ASXL2: variants seen among roughly 807,000 people sequenced by gnomAD.
ASXL2 encodes putative Polycomb group protein ASXL2.
Under a neutral mutation model 122.0 loss-of-function variants are expected in ASXL2, and 23 were observed. The observed-to-expected ratio is 0.19, with a 90% CI of 0.14 to 0.27. The LOEUF is 0.27. ASXL2 is among the 10% of genes least tolerant of loss of function. The pLI is 1.00. For synonymous variants in ASXL2, 650 were observed against 637.0 expected, an observed-to-expected ratio of 1.02 and a Z score of -0.31; for missense variants, 1,518 against 1,713.8, an observed-to-expected ratio of 0.89 and a Z score of 2.02.
At position 25,810,385 on chromosome 2, in the gene ASXL2, A is replaced by G. The variant is rs369382116; in HGVS notation, c.144-4048T>C. On this transcript the variant is annotated intron_variant, in intron 3 of 12. Transcript: ENST00000435504. The stretch of plus-strand genomic sequence containing the variant: ...TAAGGTCCAGTTTTTAACAACCTTC[A>G]TATCTCTCTCACTCTGATCAGTAGC... 1.9e-5 allele frequency: 13 copies of G among 667,222 alleles called. No homozygotes were observed. In the African/African-American group the frequency reaches 2.0e-4, roughly 10 times the overall value. 41.3% of individuals were successfully genotyped at this position (667,222 alleles called of 1,614,324 possible).
In ASXL2 at chr2:25,756,200, G is replaced by C. The variant is rs553874046; in HGVS notation, c.940-86C>G. 1.9e-4 allele frequency: 125 copies of C among 646,148 alleles called. No homozygotes were observed. In the African/African-American group the frequency reaches 2.1e-3, roughly 11 times the overall value. 40.0% of individuals were successfully genotyped at this position (646,148 alleles called of 1,614,324 possible). A position where few individuals can be genotyped will look rare whatever the true frequency, so the allele number is the denominator to read the frequency against. ...TTGACCTTCCTTTCATTTTATAAAA[G>C]AATGTATATATATTTATTTTAATAG... On this transcript the variant is annotated intron_variant, in intron 9 of 12. Coordinates refer to ENST00000435504, the MANE Select transcript of ASXL2 (RefSeq NM_018263.6).
At chr2:25,783,932 T>C (rs1388988474) in intron 5 of ASXL2, among the ~76,000 whole-genome samples, 5 of 152,044 alleles carry the variant, frequency 3.3e-5, no homozygotes. Context: ...CACATGCCTG[T>C]AATCCCAGCT....
intron 5 of ASXL2, among the ~76,000 whole-genome samples, chr2:25,797,640 C>T (rs1291239324): frequency 1.3e-5 from 2 of 152,140 alleles, no homozygotes; most frequent in African/African-American, 2.4e-5. Flanking sequence ...TGAAAAGGTG[C>T]TCCACAACAT....
At position 25,743,448 on chromosome 2, in the gene ASXL2, G is replaced by A; in HGVS notation, c.2889C>T (p.Pro963=). The A allele has an allele frequency of 1.9e-6, 3 of 1,613,806 alleles. No individual in the cohort carries two copies. The highest frequency in any genetic ancestry group is 2.5e-6 in the Non-Finnish European group (3 of 1,179,890). The change falls in exon 13 of 13, where the codon CCC becomes CCT. Residue 963 remains proline, a synonymous_variant. Transcript: ENST00000435504. Reference sequence around the variant, plus strand: ...GAGGTTTAGGCAGAATTTGCTCCATGGGAACATCTTTGCCTTGAAGCAGCT... The same window carrying A: ...GAGGTTTAGGCAGAATTTGCTCCATAGGAACATCTTTGCCTTGAAGCAGCT... ...VTQLLQGKDV[P]MEQILPKPLT...
At chr2:25,749,630 G>C in intron 12 of ASXL2, 66 bp downstream of exon 12, 1 of 1,281,852 alleles carries the variant, frequency 7.8e-7, no homozygotes, top group Non-Finnish European at 1.0e-6. Flanking sequence ...TTGAAATTTA[G>C]TAGGTATGAC....
intron 5 of ASXL2, among the ~76,000 whole-genome samples, chr2:25,790,715 CAA>C (rs143701005): frequency 0.043 from 6,422 of 148,334 alleles, 207 homozygotes; most frequent in African/African-American, 0.082. Flanking sequence ...AGCAGAAAAA[CAA>C]AAGACGCTAG....
Position 25,743,958 on chromosome 2 carries a change from T to A in ASXL2, c.2379A>T (p.Pro793=). 6.2e-7 allele frequency: 1 copy of A among 1,613,984 alleles called. No homozygotes were observed. Among genetic ancestry groups the A allele is most frequent in the Non-Finnish European group, 8.5e-7 (1 of 1,179,886 alleles). ...PAVSGACTSV[P]SPAHIEKLDN... is the part of the protein sequence containing the mutation. ...CCAATTTCTCTATGTGGGCTGGTGA[T>A]GGGACACTTGTGCATGCTCCACTGA... Residue 793 remains proline (P), a synonymous_variant, in exon 13 of 13, where the codon CCA becomes CCT. Coordinates refer to ENST00000435504, the MANE Select transcript of ASXL2 (RefSeq NM_018263.6).
chr2:25,816,464 A>G (rs952457703), intron 3 of ASXL2, among the ~76,000 whole-genome samples: 2 of 152,164 alleles, frequency 1.3e-5, no homozygotes, highest in African/African-American at 4.8e-5. Flanking sequence ...GATCAATGAA[A>G]TAAGAGACAT....
intron 5 of ASXL2, among the ~76,000 whole-genome samples, chr2:25,779,673 C>T (rs1159747870): frequency 1.3e-5 from 2 of 152,094 alleles, no homozygotes; most frequent in South Asian, 4.1e-4. Flanking sequence ...TACTTGTTTG[C>T]TTTCTTATTT....
intron 8 of ASXL2, among the ~76,000 whole-genome samples, chr2:25,765,049 C>G (rs1299489932): frequency 6.6e-6 from 1 of 152,074 alleles, no homozygotes; most frequent in African/African-American, 2.4e-5. Context: ...CTGACTGAAT[C>G]TGGGATGTAA....
Position 25,802,998 on chromosome 2 carries a change from G to A in ASXL2, c.252+3231C>T, listed in dbSNP as rs149708767. Among the ~76,000 whole-genome samples the A allele has an allele frequency of 2.4e-3, 364 of 152,276 alleles. 2 individuals carry two copies. Among genetic ancestry groups the A allele is most frequent in the African/African-American group, 8.4e-3 (347 of 41,556 alleles). On this transcript the variant is annotated intron_variant, in intron 4 of 12. Transcript: ENST00000435504. ...ATACAAAAAATTAGTTAGGCGAGGT[G>A]GCAAGCACCTATAATCCCAGCTACT...
intron 3 of ASXL2, among the ~76,000 whole-genome samples, chr2:25,827,100 G>A (rs1481087448): frequency 6.7e-6 from 1 of 149,692 alleles, no homozygotes; most frequent in African/African-American, 2.5e-5. Context: ...ACCACCCAAA[G>A]TGATTACAGG....
chr2:25,826,736 T>C (rs1462157554), intron 3 of ASXL2, among the ~76,000 whole-genome samples: 3 of 86,854 alleles, frequency 3.5e-5, no homozygotes, highest in Admixed American at 1.7e-4. Flanking sequence ...TGAACTTCAA[T>C]AGGATTAAAT....
intron 5 of ASXL2, among the ~76,000 whole-genome samples, chr2:25,776,272 G>A (rs938018935): frequency 2.0e-5 from 3 of 152,056 alleles, no homozygotes; most frequent in Non-Finnish European, 4.4e-5. Flanking sequence ...ATTAGTGCTC[G>A]TTTGTGAATG....
intron 5 of ASXL2, among the ~76,000 whole-genome samples, chr2:25,799,122 G>C (rs2088956764): frequency 6.6e-6 from 1 of 152,076 alleles, no homozygotes; most frequent in African/African-American, 2.4e-5. Context: ...AAAAAAGAAA[G>C]CATTTTTATT....
intron 1 of ASXL2, among the ~76,000 whole-genome samples, chr2:25,846,278 G>A (rs987578904): frequency 1.3e-5 from 2 of 152,192 alleles, no homozygotes; most frequent in East Asian, 1.9e-4. Context: ...CCAGGCAATC[G>A]CATGGGAGCA....
At chr2:25,820,377 A>G (rs2149181066) in intron 3 of ASXL2, among the ~76,000 whole-genome samples, 1 of 152,340 alleles carries the variant, frequency 6.6e-6, no homozygotes, top group East Asian at 1.9e-4. Context: ...TCTGCAATAT[A>G]CCATATAAAG....
At chr2:25,876,479 T>C (rs190711614) in intron 1 of ASXL2, among the ~76,000 whole-genome samples, 2 of 152,298 alleles carry the variant, frequency 1.3e-5, no homozygotes, top group Admixed American at 1.3e-4. Context: ...TAGCCTAGCC[T>C]GGGCAACATA....
In ASXL2 at chr2:25,863,641, C is replaced by A. The variant is rs150729231; in HGVS notation, c.57+14525G>T. On this transcript the variant is annotated intron_variant, in intron 1 of 12. Coordinates refer to ENST00000435504, the MANE Select transcript of ASXL2 (RefSeq NM_018263.6). ...CCAGAAGGCGGAGCTTGCAAAGAGC[C>A]GAGATCGCGCCACTGCACTCCAGCC... 2.4e-3 allele frequency among the ~76,000 whole-genome samples: 361 copies of A among 151,622 alleles called. 4 individuals are homozygous for A. The highest frequency in any genetic ancestry group is 8.4e-3 in the African/African-American group (345 of 41,222).
Sources: allele counts gnomAD v4.1 joint callset (sites outside exome capture counted in the v4.1 genomes callset), GRCh38; gene constraint gnomAD v4.1.1; transcripts MANE v1.5; gene names NCBI Gene and HGNC (gene_info 2026-07-23, HGNC 2026-07-21).